Variants in PDE4D observed in about 807,000 individuals in gnomAD.
PDE4D encodes 3',5'-cyclic-AMP phosphodiesterase 4D.
A neutral mutation model predicts 87.4 loss-of-function variants in PDE4D; 24 were observed. The observed-to-expected ratio is 0.27, with a 90% confidence interval of 0.20 to 0.39. PDE4D has a LOEUF of 0.39. Ranked by LOEUF, PDE4D falls within the 10% of genes least tolerant of loss-of-function variation. The pLI is 1.00. For missense variants in PDE4D, 714 were observed against 1,041.0 expected, an observed-to-expected ratio of 0.69 and a Z score of 4.32; for synonymous variants, 384 against 383.2, an observed-to-expected ratio of 1.00 and a Z score of -0.02.
At chr5:59,146,567 T>G (rs1188057896) in intron 5 of PDE4D, among the ~76,000 whole-genome samples, 1 of 147,366 alleles carries the variant, frequency 6.8e-6, no homozygotes, top group Non-Finnish European at 1.5e-5. Context: ...GGAAGTGGTC[T>G]GATTTTTTTT....
intron 1 of PDE4D, among the ~76,000 whole-genome samples, chr5:59,470,014 A>T (rs776227675): frequency 2.6e-5 from 4 of 152,098 alleles, no homozygotes; most frequent in Non-Finnish European, 4.4e-5. Flanking sequence ...GCCCACCAAG[A>T]TAGCATCTCT....
chr5:60,361,852 G>A (rs183465509), intron 1 of PDE4D, among the ~76,000 whole-genome samples: 19 of 152,150 alleles, frequency 1.2e-4, no homozygotes, highest in African/African-American at 4.1e-4. Flanking sequence ...CATCACAGTC[G>A]CACATCTTAG....
chr5:59,292,275 T>C (rs1768187076), intron 1 of PDE4D, among the ~76,000 whole-genome samples: 1 of 152,178 alleles, frequency 6.6e-6, no homozygotes, highest in Admixed American at 6.6e-5. Context: ...TTACAGCAAC[T>C]ATAAATTCTT....
chr5:59,409,694 G>A (rs1167185650), intron 1 of PDE4D, among the ~76,000 whole-genome samples: 1 of 152,164 alleles, frequency 6.6e-6, no homozygotes, highest in African/African-American at 2.4e-5. Context: ...CACCATGCTT[G>A]TACATCCTGC....
At chr5:60,139,779 A>G (rs894063971) in intron 2 of PDE4D, among the ~76,000 whole-genome samples, 2 of 152,078 alleles carry the variant, frequency 1.3e-5, no homozygotes, top group African/African-American at 2.4e-5. Context: ...AAATATATTT[A>G]ATATATTTAA....
At chr5:59,317,067 A>T (rs556027865) in intron 1 of PDE4D, among the ~76,000 whole-genome samples, 90 of 152,276 alleles carry the variant, frequency 5.9e-4, no homozygotes, top group Admixed American at 5.8e-3. Flanking sequence ...ATCCAGGCTG[A>T]TAATTTGAGA....
chr5:59,431,443 T>C lies in PDE4D; in HGVS notation c.456-215475A>G, dbSNP rs187819292. On this transcript the variant is annotated intron_variant, in intron 1 of 14. Transcript: ENST00000340635. ...TTTTATTTTGAAAAATTATTTCTTATCCAGGATTTGAATAGACACGCCAGT... is the reference window on the plus strand; with the variant it reads ...TTTTATTTTGAAAAATTATTTCTTACCCAGGATTTGAATAGACACGCCAGT... Among the ~76,000 whole-genome samples the C allele has an allele frequency of 9.5e-4, 145 of 152,212 alleles. 2 individuals are homozygous for C. Among genetic ancestry groups the C allele is most frequent in the Non-Finnish European group, 1.6e-4 (11 of 68,004 alleles).
At chr5:60,130,513 A>C (rs1453356159) in intron 2 of PDE4D, among the ~76,000 whole-genome samples, 1 of 152,172 alleles carries the variant, frequency 6.6e-6, no homozygotes, top group Non-Finnish European at 1.5e-5. Context: ...CTATGTCTAT[A>C]AACAGAGACC....
At chr5:60,182,616 T>C (rs60168090) in intron 2 of PDE4D, among the ~76,000 whole-genome samples, 13,628 of 151,856 alleles carry the variant, frequency 0.09, 673 homozygotes, top group South Asian at 0.16. Flanking sequence ...CCGTGGCTCA[T>C]GCCTGTAATC....
rs1247581419 is a variant in PDE4D, at chr5:59,083,122, TTGA to T, written c.809-44154_809-44152del. On this transcript the variant is annotated intron_variant, in intron 5 of 14. Coordinates refer to ENST00000340635, the MANE Select transcript of PDE4D (RefSeq NM_001104631.2). ...ATACATCTTTAGTTTGTCTTAACAC[TTGA>T]TAGTTTGACTATCAATTTTGGGTTC... Among the ~76,000 whole-genome samples the T allele has an allele frequency of 2.0e-5, 3 of 152,162 alleles. No homozygotes were observed. The East Asian group carries it at 5.8e-4, about 29-fold the overall frequency.
intron 1 of PDE4D, among the ~76,000 whole-genome samples, chr5:59,415,047 G>A (rs968101154): frequency 3.9e-5 from 6 of 152,192 alleles, no homozygotes; most frequent in African/African-American, 9.6e-5. Context: ...CTAGAGTCTG[G>A]AGACTGAGGC....
chr5:60,402,570 G>A (rs1307720623), intron 1 of PDE4D, among the ~76,000 whole-genome samples: 6 of 152,334 alleles, frequency 3.9e-5, no homozygotes, highest in Admixed American at 2.6e-4. Context: ...CTGGCAGTCC[G>A]TGGTTGCACC....
At chr5:59,758,173 T>C (rs1761518266) in intron 1 of PDE4D, among the ~76,000 whole-genome samples, 1 of 152,202 alleles carries the variant, frequency 6.6e-6, no homozygotes, top group South Asian at 2.1e-4. Flanking sequence ...ATTGGTTTCA[T>C]AGCTGTTTAG....
chr5:58,986,164 G>C (rs774931927), intron 11 of PDE4D, among the ~76,000 whole-genome samples: 1 of 152,200 alleles, frequency 6.6e-6, no homozygotes, highest in Non-Finnish European at 1.5e-5. Flanking sequence ...AATTTGCAGC[G>C]GCAGGATTAG....
chr5:59,814,614 G>A (rs1768769961), intron 1 of PDE4D, among the ~76,000 whole-genome samples: 2 of 152,160 alleles, frequency 1.3e-5, no homozygotes, highest in South Asian at 4.1e-4. Flanking sequence ...CATAACTGGT[G>A]TTCGCATCTC....
chr5:59,382,038 C>T (rs1372516263), intron 1 of PDE4D, among the ~76,000 whole-genome samples: 1 of 152,086 alleles, frequency 6.6e-6, no homozygotes, highest in Non-Finnish European at 1.5e-5. Context: ...ATGCCTGGAG[C>T]TGCCCTTCTC....
chr5:59,495,647 G>A (rs1384053664), intron 1 of PDE4D, among the ~76,000 whole-genome samples: 3 of 152,168 alleles, frequency 2.0e-5, no homozygotes, highest in East Asian at 1.9e-4. Context: ...GAGAGTTCCC[G>A]AAGCCAGGTT....
rs538184545 is a variant in PDE4D, at chr5:59,788,019, G to A, written c.455+105149C>T. ...AGTAGGCTGAATTAAAAGTATAATA[G>A]GAACAAGGTAAAGCACAACATTTAC... On this transcript the variant is annotated intron_variant, in intron 1 of 14. Transcript: ENST00000340635. 9.9e-5 allele frequency among the ~76,000 whole-genome samples: 15 copies of A among 152,154 alleles called. No homozygotes were observed. In the East Asian group the frequency reaches 2.7e-3, roughly 27 times the overall value.
At chr5:60,487,506 G>A (rs1749246133) in intron 1 of PDE4D, among the ~76,000 whole-genome samples, 1 of 152,194 alleles carries the variant, frequency 6.6e-6, no homozygotes, top group Admixed American at 6.5e-5. Context: ...CCTATCTGCT[G>A]TGTACCCCTG....
Sources: allele counts gnomAD v4.1 joint callset (sites outside exome capture counted in the v4.1 genomes callset), GRCh38; gene constraint gnomAD v4.1.1; transcripts MANE v1.5; gene names NCBI Gene and HGNC (gene_info 2026-07-23, HGNC 2026-07-21).